Variants in MDM1 observed in about 807,000 individuals in gnomAD.
MDM1 encodes the protein Mdm1 nuclear protein.
A neutral mutation model predicts 89.1 loss-of-function variants in MDM1; 61 were observed. The ratio of observed to expected loss-of-function variants is 0.68; its 90% CI spans 0.56 to 0.85. MDM1 has a LOEUF of 0.85. Among genes scored for constraint, MDM1 ranks in the 40% least tolerant of loss-of-function variants. MDM1 has a pLI of 0.00. For synonymous variants in MDM1, 290 were observed against 294.1 expected (o/e 0.99, Z 0.14); for missense variants, 820 against 846.5 (o/e 0.97, Z 0.39).
At chr12:68,296,772 G>C in intron 14 of MDM1, 151 bp downstream of exon 14, 3 of 467,866 alleles carry the variant, frequency 6.4e-6, no homozygotes, top group Non-Finnish European at 1.1e-5. Context: ...TGTAAATGGG[G>C]GTAATTTCAC....
chr12:68,325,568 C>T lies in MDM1; in HGVS notation c.506G>A (p.Arg169Lys). 1 of 1,537,886 alleles carries T rather than the reference C, an allele frequency of 6.5e-7. No homozygotes were observed. The highest frequency in any genetic ancestry group is 8.7e-7 in the Non-Finnish European group (1 of 1,145,232). ...CAATCCAGCTTTCTTACGCAGAAGT[C>T]TATCCAACTGTTCAAAAAACAAAAT... Reference protein sequence around the residue: ...LSENVDNGLDRLLRKKAGLTV... With the variant: ...LSENVDNGLDKLLRKKAGLTV... Residue 169 changes from arginine (R) to lysine (K), a missense_variant, in exon 4 of 15, where the codon AGA (arginine) becomes AAA (lysine). Coordinates refer to ENST00000682720, the MANE Select transcript of MDM1 (RefSeq NM_001354969.2).
rs1875908116 is a variant in MDM1, at chr12:68,325,951, A to C, written c.499-376T>G. On this transcript the variant is annotated intron_variant, in intron 3 of 14. Coordinates refer to ENST00000682720, the MANE Select transcript of MDM1 (RefSeq NM_001354969.2). ...ACCCCTTCTCCTGCCTGCCAGACTCACACATCACCTTCCTTGTTCCCTTTC... is the reference window on the plus strand; with the variant it reads ...ACCCCTTCTCCTGCCTGCCAGACTCCCACATCACCTTCCTTGTTCCCTTTC... The C allele has an allele frequency of 5.0e-6, 5 of 995,710 alleles. No individual in the cohort carries two copies. The South Asian group carries it at 2.3e-4, about 45-fold the overall frequency. 61.7% of individuals were successfully genotyped at this position (995,710 alleles called of 1,614,324 possible).
chr12:68,309,208 T>C (rs576296021), intron 12 of MDM1, among the ~76,000 whole-genome samples: 1 of 152,334 alleles, frequency 6.6e-6, no homozygotes, highest in South Asian at 2.1e-4. Context: ...CCACACACTG[T>C]ATTGGTCTTT....
chr12:68,301,055 G>T (rs1359728963), intron 13 of MDM1, among the ~76,000 whole-genome samples: 1 of 152,190 alleles, frequency 6.6e-6, no homozygotes, highest in Non-Finnish European at 1.5e-5. Context: ...GCTCTTGAAT[G>T]ATTTTAGGGT....
intron 3 of MDM1, chr12:68,325,878 C>A: frequency 9.8e-7 from 1 of 1,017,480 alleles, no homozygotes; most frequent in Non-Finnish European, 1.2e-6. Flanking sequence ...AAATCTATTA[C>A]CAAAAAGTCC....
At chr12:68,311,000 T>C (rs937656025) in intron 12 of MDM1, among the ~76,000 whole-genome samples, 1 of 152,136 alleles carries the variant, frequency 6.6e-6, no homozygotes, top group Admixed American at 6.6e-5. Flanking sequence ...TTCCAACAAG[T>C]CTTTTATTTT....
At chr12:68,316,708 T>A in intron 7 of MDM1, 98 bp from the exon 8 acceptor site, 2 of 935,130 alleles carry the variant, frequency 2.1e-6, no homozygotes, top group Non-Finnish European at 3.2e-6. Context: ...CTTCTAAATA[T>A]CTACCAAACT....
chr12:68,313,351 T>C (rs2089659975), intron 12 of MDM1, 92 bp downstream of exon 12: 2 of 915,840 alleles, frequency 2.2e-6, no homozygotes, highest in Admixed American at 2.3e-5. Flanking sequence ...ATAGCCACAA[T>C]TCTCTAAAAT....
intron 2 of MDM1, chr12:68,327,437 T>C (rs750962708): frequency 9.8e-6 from 15 of 1,535,788 alleles, no homozygotes; most frequent in South Asian, 8.3e-5. Flanking sequence ...GCTTCTCTTA[T>C]GTGGAGCAGA....
chr12:68,327,716 A>G (rs1428620792), intron 2 of MDM1, among the ~76,000 whole-genome samples: 1 of 152,168 alleles, frequency 6.6e-6, no homozygotes, highest in Non-Finnish European at 1.5e-5. Flanking sequence ...TAAGACCAGA[A>G]TGGAAAGGGA....
rs75932051 is a variant in MDM1, at chr12:68,301,263, G to A, written c.2002+1357C>T. Reference sequence around the variant, plus strand: ...GGAACTAGAGAAACAGGAACACCACGGAATACTAATCCTCCATTAAAAGGA... The same window carrying A: ...GGAACTAGAGAAACAGGAACACCACAGAATACTAATCCTCCATTAAAAGGA... On this transcript the variant is annotated intron_variant, in intron 13 of 14. Coordinates refer to ENST00000682720, the MANE Select transcript of MDM1 (RefSeq NM_001354969.2). Among the ~76,000 whole-genome samples, 404 of 152,190 alleles carry A rather than the reference G, an allele frequency of 2.7e-3. 2 individuals carry two copies. Among genetic ancestry groups the A allele is most frequent in the African/African-American group, 9.1e-3 (376 of 41,504 alleles).
At chr12:68,301,329 G>A (rs1268887204) in intron 13 of MDM1, among the ~76,000 whole-genome samples, 1 of 152,166 alleles carries the variant, frequency 6.6e-6, no homozygotes, top group Admixed American at 6.5e-5. Flanking sequence ...TGGAGGTGGA[G>A]GTCATTATTC....
intron 13 of MDM1, among the ~76,000 whole-genome samples, 178 bp downstream of exon 13, chr12:68,302,442 T>C (rs924824622): frequency 6.6e-6 from 1 of 152,194 alleles, no homozygotes; most frequent in Admixed American, 6.5e-5. Flanking sequence ...AAAGTGAACT[T>C]AGGTGCAGCA....
At position 68,326,721 on chromosome 12, in the gene MDM1, G is replaced by A. The variant is rs927624386; in HGVS notation, c.434C>T (p.Pro145Leu). 2 of 1,613,984 alleles carry A rather than the reference G, an allele frequency of 1.2e-6. No homozygotes were observed. The highest frequency in any genetic ancestry group is 2.7e-5 in the African/African-American group (2 of 74,902). ...ENNEGVTNHT[P>L]VNENVELEHS... is the part of the protein sequence containing the mutation. ...TTCCAGTTCCACATTTTCATTAACT[G>A]GTGTATGGTTTGTTACACCCTCATT... is the stretch of plus-strand genomic sequence containing the variant. The change falls in exon 3 of 15, where the codon CCA becomes CTA. Residue 145 changes from proline (P) to leucine (L), a missense_variant. Coordinates refer to ENST00000682720, the MANE Select transcript of MDM1 (RefSeq NM_001354969.2).
At chr12:68,325,242 A>G in intron 4 of MDM1, 199 bp downstream of exon 4, 1 of 1,183,316 alleles carries the variant, frequency 8.5e-7, no homozygotes, top group Non-Finnish European at 1.0e-6. Context: ...AATGATCATC[A>G]GAAGCCTAGG....
intron 14 of MDM1, among the ~76,000 whole-genome samples, 161 bp from the exon 15 acceptor site, chr12:68,295,527 C>G (rs1871261119): frequency 6.6e-6 from 1 of 152,218 alleles, no homozygotes; most frequent in South Asian, 2.1e-4. Flanking sequence ...TACTAACACT[C>G]TCATGATACC....
chr12:68,325,719 C>T, intron 3 of MDM1, 144 bp from the exon 4 acceptor site: 2 of 1,288,130 alleles, frequency 1.6e-6, no homozygotes, highest in African/African-American at 1.5e-5. Flanking sequence ...ACTACATGCG[C>T]ATTGTGGTAC....
chr12:68,300,815 T>C (rs907894894), intron 13 of MDM1, among the ~76,000 whole-genome samples: 4 of 152,196 alleles, frequency 2.6e-5, no homozygotes, highest in African/African-American at 9.6e-5. Flanking sequence ...CAAATGGACT[T>C]AACAGATATT....
chr12:68,313,598 T>A, intron 11 of MDM1, 46 bp from the exon 12 acceptor site: 17 of 1,606,160 alleles, frequency 1.1e-5, no homozygotes, highest in Non-Finnish European at 1.4e-5. Flanking sequence ...AATTAACATG[T>A]AGAAAAAGCA....
Sources: allele counts gnomAD v4.1 joint callset (sites outside exome capture counted in the v4.1 genomes callset), GRCh38; gene constraint gnomAD v4.1.1; transcripts MANE v1.5; gene names NCBI Gene and HGNC (gene_info 2026-07-23, HGNC 2026-07-21).